Variants in GOLGA4 observed in about 807,000 individuals in gnomAD.
GOLGA4 encodes the protein golgin subfamily A member 4.
In GOLGA4, 169 loss-of-function variants were observed where a neutral mutation model predicts 265.9. The observed-to-expected ratio is 0.64, with a 90% CI of 0.56 to 0.72. The LOEUF is 0.72. Among genes scored for constraint, GOLGA4 ranks in the 30% least tolerant of loss-of-function variants. The pLI is 0.00. For missense variants in GOLGA4, 2,482 were observed against 2,483.4 expected (o/e 1.00, Z 0.01); for synonymous variants, 923 against 855.8 (o/e 1.08, Z -1.37).
intron 10 of GOLGA4, among the ~76,000 whole-genome samples, chr3:37,310,114 G>A (rs78033041): frequency 0.038 from 5,844 of 152,270 alleles, 142 homozygotes; most frequent in African/African-American, 0.056. Context: ...AGCTTGTTAG[G>A]ATCATCAGTT....
At chr3:37,305,672 A>T (rs1578604129) in intron 10 of GOLGA4, among the ~76,000 whole-genome samples, 1 of 152,244 alleles carries the variant, frequency 6.6e-6, no homozygotes, top group East Asian at 1.9e-4. Context: ...AGAACTGGCC[A>T]TGTGAAGGAA....
chr3:37,256,488 TA>T (rs1049727584), intron 2 of GOLGA4, among the ~76,000 whole-genome samples: 9 of 151,084 alleles, frequency 6.0e-5, no homozygotes, highest in South Asian at 2.1e-4. Context: ...AAAAGGGACA[TA>T]AAAAAAATCT....
intron 19 of GOLGA4, among the ~76,000 whole-genome samples, chr3:37,338,812 G>A (rs1026556219): frequency 6.7e-6 from 1 of 149,842 alleles, no homozygotes; most frequent in African/African-American, 2.5e-5. Context: ...CCTATTCTGG[G>A]TATTTCATAT....
At chr3:37,289,342 A>G (rs2096858877) in intron 5 of GOLGA4, 51 bp downstream of exon 5, 2 of 1,128,072 alleles carry the variant, frequency 1.8e-6, no homozygotes, top group Non-Finnish European at 1.3e-6. Context: ...TCTCATATTT[A>G]TCAGAACTGT....
At chr3:37,349,247 C>T (rs1335297766) in intron 21 of GOLGA4, among the ~76,000 whole-genome samples, 2 of 152,076 alleles carry the variant, frequency 1.3e-5, no homozygotes, top group Non-Finnish European at 2.9e-5. Context: ...AACTTTAAGG[C>T]GTTCACTGTG....
Position 37,325,143 on chromosome 3 carries a change from A to G in GOLGA4, c.3257A>G (p.Glu1086Gly). The stretch of plus-strand genomic sequence containing the variant: ...CAAAAGATCCTCCTATTTGGGTGTG[A>G]AAAAGAAGAGATGAACAAGGAAATA... ...LKQKILLFGCEKEEMNKEITW... is the reference protein window; with the variant it reads ...LKQKILLFGCGKEEMNKEITW... Residue 1086 changes from glutamate (E) to glycine (G), a missense_variant, in exon 14 of 24, where the codon GAA (glutamate) becomes GGA (glycine). By Grantham distance (98) the Glu-to-Gly change is moderately conservative. This residue lies in a region of GOLGA4 where 1,536 missense variants were observed against 1,483.7 expected (regional missense o/e 1.04). Coordinates refer to ENST00000361924, the MANE Select transcript of GOLGA4 (RefSeq NM_002078.5). The G allele has an allele frequency of 6.2e-7, 1 of 1,613,674 alleles. No homozygotes were observed. The highest frequency in any genetic ancestry group is 1.3e-5 in the African/African-American group (1 of 75,056).
At chr3:37,318,853 TTAAAA>T (rs1438240912) in intron 11 of GOLGA4, among the ~76,000 whole-genome samples, 1 of 152,202 alleles carries the variant, frequency 6.6e-6, no homozygotes, top group Non-Finnish European at 1.5e-5. Flanking sequence ...AGCACTTGTC[TTAAAA>T]TAAGAAGAAA....
At chr3:37,331,138 A>G (rs2096988891) in intron 16 of GOLGA4, among the ~76,000 whole-genome samples, 1 of 152,192 alleles carries the variant, frequency 6.6e-6, no homozygotes. Context: ...CTTAATTTTA[A>G]TAATATATGC....
chr3:37,276,467 G>C, intron 2 of GOLGA4: 1 of 1,610,806 alleles, frequency 6.2e-7, no homozygotes, highest in Non-Finnish European at 8.5e-7. Context: ...GACCCAGACT[G>C]ACTTGTTCAC....
In GOLGA4 at chr3:37,326,829, T is replaced by C; in HGVS notation, c.4943T>C (p.Ile1648Thr). 1 of 1,613,524 alleles carries C rather than the reference T, an allele frequency of 6.2e-7. No individual in the cohort carries two copies. Among genetic ancestry groups the C allele is most frequent in the African/African-American group, 1.3e-5 (1 of 74,960 alleles). The change falls in exon 14 of 24, where the codon ATT becomes ACT. Residue 1648 changes from isoleucine (I) to threonine (T), a missense_variant. This residue lies in a region of GOLGA4 where 942 missense variants were observed against 983.1 expected (regional missense o/e 0.96). Transcript: ENST00000361924. ...TTGAAGAGAAAAGCTGAACAAAAAA[T>C]TGCTGCCATTAAGAAGCAGTTGTTA... ...AELKRKAEQK[I>T]AAIKKQLLSQ...
rs2096885223 is a variant in GOLGA4 at position 37,298,825 on chromosome 3, AT to A, written c.815-6del. ...TGATGGGCCCTTCTTATGTTGCTTT[AT>A]TGTTAGTGGAAGATGGAACTTCTGT... On this transcript the variant is annotated splice_region_variant and splice_polypyrimidine_tract_variant and intron_variant, in intron 7 of 23. Coordinates refer to ENST00000361924, the MANE Select transcript of GOLGA4 (RefSeq NM_002078.5). 6.3e-7 allele frequency: 1 copy of A among 1,594,326 alleles called. No individual in the cohort carries two copies. The highest frequency in any genetic ancestry group is 1.8e-5 in the Admixed American group (1 of 55,880).
At chr3:37,272,141 A>G (rs1174552168) in intron 2 of GOLGA4, among the ~76,000 whole-genome samples, 2 of 152,184 alleles carry the variant, frequency 1.3e-5, no homozygotes, top group Non-Finnish European at 2.9e-5. Flanking sequence ...TAAGTGCACA[A>G]TAAATGTAAT....
intron 4 of GOLGA4, chr3:37,287,443 A>C (rs545979505): frequency 1.3e-5 from 2 of 152,362 alleles, no homozygotes; most frequent in South Asian, 4.1e-4. Flanking sequence ...AGAGCCAATG[A>C]AATTAAAATA....
chr3:37,262,007 A>G (rs534056437), intron 2 of GOLGA4, among the ~76,000 whole-genome samples: 1 of 152,350 alleles, frequency 6.6e-6, no homozygotes, highest in African/African-American at 2.4e-5. Flanking sequence ...AAATGCTAAG[A>G]AGGCCACCAG....
At chr3:37,272,504 T>TC (rs1277360163) in intron 2 of GOLGA4, among the ~76,000 whole-genome samples, 1 of 152,154 alleles carries the variant, frequency 6.6e-6, no homozygotes, top group Non-Finnish European at 1.5e-5. Flanking sequence ...GTCATTGCAC[T>TC]CCATCTTGGG....
At chr3:37,356,621 T>C (rs2097091679) in intron 22 of GOLGA4, among the ~76,000 whole-genome samples, 1 of 152,168 alleles carries the variant, frequency 6.6e-6, no homozygotes, top group Non-Finnish European at 1.5e-5. Flanking sequence ...TAAATTATAA[T>C]GAACATCTAA....
intron 2 of GOLGA4, among the ~76,000 whole-genome samples, chr3:37,279,525 G>A (rs912194943): frequency 1.3e-5 from 2 of 152,188 alleles, no homozygotes; most frequent in East Asian, 1.9e-4. Flanking sequence ...GATGCTCCAC[G>A]TGGGGCCAAG....
chr3:37,326,499 C>CAATCAAATCTTT lies in GOLGA4; in HGVS notation c.4613_4614insAATCAAATCTTT (p.Ile1539_Glu1540insLysSerPheIle), dbSNP rs773238842. 6.2e-7 allele frequency: 1 copy of CAATCAAATCTTT among 1,606,994 alleles called. No homozygotes were observed. On this transcript the variant is annotated inframe_insertion, in exon 14 of 24. Transcript: ENST00000361924. Reference sequence around the variant, plus strand: ...TTAGAGGACCATATTACCCAGAAAACTATTGAAATAGAGTCCTTAAATGAA... The same window carrying CAATCAAATCTTT: ...TTAGAGGACCATATTACCCAGAAAACAATCAAATCTTTTATTGAAATAGAGTCCTTAAATGAA...
At chr3:37,276,568 T>C (rs1011264832) in intron 2 of GOLGA4, 18 of 1,594,764 alleles carry the variant, frequency 1.1e-5, no homozygotes, top group Non-Finnish European at 1.5e-5. Context: ...TTGTCTGTAA[T>C]GAATGTGGAA....
Sources: gnomAD v4.1 joint callset for allele counts (sites outside exome capture counted in the v4.1 genomes callset) on GRCh38, gnomAD v4.1.1 for gene constraint, gnomAD v4.1.1 regional missense constraint, MANE v1.5 for transcripts, NCBI Gene and HGNC (gene_info 2026-07-23, HGNC 2026-07-21) for gene names.